MPRIP: variants seen among roughly 807,000 people sequenced by gnomAD.
MPRIP encodes myosin phosphatase Rho-interacting protein.
In MPRIP, 59 loss-of-function variants were observed where a neutral mutation model predicts 234.9. The observed-to-expected ratio is 0.25, with a 90% CI of 0.20 to 0.31. The LOEUF is 0.31. Ranked by LOEUF, MPRIP falls within the 10% of genes least tolerant of loss-of-function variation. MPRIP has a pLI of 1.00. For missense variants in MPRIP, 2,436 were observed against 3,071.0 expected (o/e 0.79, Z 4.89); for synonymous variants, 1,144 against 1,263.9 (o/e 0.91, Z 2.01).
chr17:17,073,369 G>A (rs1215232134), intron 1 of MPRIP, among the ~76,000 whole-genome samples: 1 of 152,242 alleles, frequency 6.6e-6, no homozygotes, highest in Non-Finnish European at 1.5e-5. Flanking sequence ...TTCCTGAGCA[G>A]AGGTTTGCTG....
In MPRIP at chr17:17,111,338, C is replaced by G. The variant is rs1027735187; in HGVS notation, c.268-15364C>G. Among the ~76,000 whole-genome samples the G allele has an allele frequency of 7.6e-4, 115 of 151,864 alleles. 1 individual carries two copies. The highest frequency in any genetic ancestry group is 2.6e-3 in the African/African-American group (109 of 41,454). Reference sequence around the variant, plus strand: ...GAAAGCAGGTGCCAGTGGCCTTGCCCTTGAAGGACAGGGAAGACCAGCACC... The same window carrying G: ...GAAAGCAGGTGCCAGTGGCCTTGCCGTTGAAGGACAGGGAAGACCAGCACC... On this transcript the variant is annotated intron_variant, in intron 3 of 23. Transcript: ENST00000651222.
chr17:17,055,994 G>A (rs1270677083), intron 1 of MPRIP, among the ~76,000 whole-genome samples: 3 of 152,184 alleles, frequency 2.0e-5, no homozygotes, highest in East Asian at 1.9e-4. Context: ...TGGCAAAGCC[G>A]GGAGGAAACC....
intron 16 of MPRIP, chr17:17,168,143 G>A: frequency 2.9e-6 from 1 of 347,792 alleles, no homozygotes; most frequent in Non-Finnish European, 5.6e-6. Flanking sequence ...AGGGCCGCCA[G>A]GGTCCCTGGT....
chr17:17,056,108 T>C (rs548766062), intron 1 of MPRIP, among the ~76,000 whole-genome samples: 11 of 152,302 alleles, frequency 7.2e-5, no homozygotes, highest in Admixed American at 3.9e-4. Context: ...CCTTGGCCCC[T>C]AGTGTCCAGG....
Position 17,190,256 on chromosome 17 carries a change from C to T in MPRIP, c.*5362C>T, listed in dbSNP as rs555329956. 4.6e-5 allele frequency: 7 copies of T among 152,346 alleles called. No individual in the cohort carries two copies. In the South Asian group the frequency reaches 1.4e-3, roughly 32 times the overall value. The allele number at this position is 152,346 out of a possible 1,614,324, so 9.4% of individuals were successfully genotyped here. ...CTTCACATCGAAAGGTGAAGGCCAC[C>T]ACTGTTCTCAATGCCAAGCAACAGA... is the stretch of plus-strand genomic sequence containing the variant. On this transcript the variant is annotated 3_prime_UTR_variant, in exon 24 of 24. Transcript: ENST00000651222.
At chr17:17,176,821 C>T (rs547352122) in intron 21 of MPRIP, among the ~76,000 whole-genome samples, 9 of 152,220 alleles carry the variant, frequency 5.9e-5, no homozygotes, top group African/African-American at 9.6e-5. Flanking sequence ...CCATTTGAGC[C>T]GCCCCCTGGC....
Position 17,158,462 on chromosome 17 carries a change from C to T in MPRIP, c.1860C>T (p.Ser620=), listed in dbSNP as rs1365972418. 6.9e-6 allele frequency: 11 copies of T among 1,584,800 alleles called. No homozygotes were observed. The South Asian group carries it at 1.1e-4, about 16-fold the overall frequency. The part of the protein sequence containing the change: ...SSLPEEKNKS[S]CSFETCPRPT... ...TGCCAGAGGAAAAAAACAAGAGCAG[C>T]TGCTCTTTTGAGACCTGCCCGAGGC... The change falls in exon 14 of 24, where the codon AGC becomes AGT. Residue 620 remains serine, a synonymous_variant. Coordinates refer to ENST00000651222, the MANE Select transcript of MPRIP (RefSeq NM_001364716.4).
At chr17:17,173,894 G>C (rs199942790) in intron 18 of MPRIP, 22 bp from the exon 19 acceptor site, 1 of 1,613,174 alleles carries the variant, frequency 6.2e-7, no homozygotes, top group African/African-American at 1.3e-5. Context: ...AGGCAGAGGA[G>C]TGAGTGCTGC....
intron 3 of MPRIP, among the ~76,000 whole-genome samples, chr17:17,111,217 G>A (rs7215338): frequency 0.036 from 4,921 of 135,502 alleles, 452 homozygotes; most frequent in African/African-American, 0.12. Flanking sequence ...TTTCACAAGG[G>A]GTAGTCCCAA....
intron 1 of MPRIP, among the ~76,000 whole-genome samples, chr17:17,050,585 C>T (rs942599850): frequency 2.0e-5 from 3 of 152,182 alleles, no homozygotes; most frequent in Non-Finnish European, 4.4e-5. Flanking sequence ...TTGGAAGGTT[C>T]CTGGAGTGCT....
chr17:17,088,805 G>A (rs7210339), intron 3 of MPRIP, among the ~76,000 whole-genome samples: 12,584 of 151,294 alleles, frequency 0.083, 734 homozygotes, highest in East Asian at 0.17. Context: ...GTATGTTAGT[G>A]TCTTAGCCTC....
intron 3 of MPRIP, among the ~76,000 whole-genome samples, chr17:17,097,527 C>T (rs1375390943): frequency 6.6e-6 from 1 of 152,166 alleles, no homozygotes; most frequent in Non-Finnish European, 1.5e-5. Context: ...CTCACAATTC[C>T]TTTCCTATCC....
At chr17:17,110,575 C>T (rs1041076548) in intron 3 of MPRIP, among the ~76,000 whole-genome samples, 1 of 152,138 alleles carries the variant, frequency 6.6e-6, no homozygotes, top group Admixed American at 6.5e-5. Context: ...GGGTGGGGAG[C>T]AGCTCTGCAG....
At chr17:17,056,420 T>C (rs983715800) in intron 1 of MPRIP, among the ~76,000 whole-genome samples, 4 of 151,834 alleles carry the variant, frequency 2.6e-5, no homozygotes, top group Non-Finnish European at 5.9e-5. Context: ...AATGTCACTT[T>C]CCCCCTCCAG....
intron 19 of MPRIP, 34 bp downstream of exon 19, chr17:17,174,109 CAG>C: frequency 6.2e-7 from 1 of 1,607,392 alleles, no homozygotes; most frequent in Non-Finnish European, 8.5e-7. Flanking sequence ...CAAGGTTAGT[CAG>C]GGGCACTCAA....
At chr17:17,113,400 T>C (rs929018796) in intron 3 of MPRIP, among the ~76,000 whole-genome samples, 21 of 152,244 alleles carry the variant, frequency 1.4e-4, no homozygotes, top group African/African-American at 5.1e-4. Flanking sequence ...ACAGTATCTA[T>C]CCTTTTGTGA....
chr17:17,165,738 A>T lies in MPRIP; in HGVS notation c.4147A>T (p.Ile1383Phe), dbSNP rs984930166. 5.4e-6 allele frequency: 7 copies of T among 1,304,766 alleles called. No homozygotes were observed. In the African/African-American group the frequency reaches 6.1e-5, roughly 11 times the overall value. The allele number at this position is 1,304,766 out of a possible 1,614,324, so 80.8% of individuals were successfully genotyped here. The change falls in exon 16 of 24, where the codon ATC (isoleucine) becomes TTC (phenylalanine). Residue 1383 changes from isoleucine (I) to phenylalanine (F), a missense_variant. Around this residue, in one of 4 missense-constraint regions of MPRIP, gnomAD observed 1,998 missense variants for 2,520.3 expected, o/e 0.79. Transcript: ENST00000651222. ...TGDSDTYLSI[I>F]HSLETKLYVT... ...CGACTCTGACACGTACCTCTCCATC[A>T]TCCACTCCCTGGAGACCAAGCTCTA...
rs2090186130 is a variant in MPRIP, at chr17:17,112,189, G to A, written c.268-14513G>A. Among the ~76,000 whole-genome samples, 2 of 152,100 alleles carry A rather than the reference G, an allele frequency of 1.3e-5. 1 individual carries two copies. Among genetic ancestry groups the A allele is most frequent in the South Asian group, 4.1e-4 (2 of 4,826 alleles). ...TGCCTGTGTGAAAGGCCTGGGTAAC[G>A]GCGCTTTCTTATCTCCAGCTGAGCT... is the stretch of plus-strand genomic sequence containing the variant. On this transcript the variant is annotated intron_variant, in intron 3 of 23. Coordinates refer to ENST00000651222, the MANE Select transcript of MPRIP (RefSeq NM_001364716.4).
intron 3 of MPRIP, among the ~76,000 whole-genome samples, chr17:17,107,931 A>G (rs1289319428): frequency 1.3e-5 from 2 of 152,214 alleles, no homozygotes; most frequent in South Asian, 4.1e-4. Flanking sequence ...GCTTAGGGCC[A>G]GGGCTGCAGA....
Sources: gnomAD v4.1 joint callset for allele counts (sites outside exome capture counted in the v4.1 genomes callset) on GRCh38, gnomAD v4.1.1 for gene constraint, gnomAD v4.1.1 regional missense constraint, MANE v1.5 for transcripts, NCBI Gene and HGNC (gene_info 2026-07-23, HGNC 2026-07-21) for gene names.